The following GALNTL6 variants were observed in gnomAD, a reference collection of about 807,000 sequenced individuals.
GALNTL6 encodes polypeptide N-acetylgalactosaminyltransferase like 6, also known as polypeptide N-acetylgalactosaminyltransferase-like 6.
Under a neutral mutation model 73.7 loss-of-function variants are expected in GALNTL6, and 46 were observed. The ratio of observed to expected loss-of-function variants is 0.62; its 90% CI spans 0.49 to 0.80. The LOEUF (loss-of-function observed/expected upper bound fraction) is 0.80, where lower values mean the gene tolerates loss of function less well. Ranked by LOEUF, GALNTL6 falls within the 30% of genes least tolerant of loss-of-function variation. The pLI, the probability that GALNTL6 is intolerant of heterozygous loss-of-function variation, is 0.00. For synonymous variants in GALNTL6, 259 were observed against 263.7 expected (o/e 0.98, Z 0.17); for missense variants, 604 against 755.0 (o/e 0.80, Z 2.34).
At chr4:172,948,334 A>G (rs976446763) in intron 9 of GALNTL6, among the ~76,000 whole-genome samples, 1 of 152,204 alleles carries the variant, frequency 6.6e-6, no homozygotes, top group Non-Finnish European at 1.5e-5. Context: ...AACTACAGAA[A>G]AGGAATCGAT....
intron 5 of GALNTL6, among the ~76,000 whole-genome samples, chr4:172,727,499 C>T (rs1735888188): frequency 6.6e-6 from 1 of 152,132 alleles, no homozygotes; most frequent in African/African-American, 2.4e-5. Flanking sequence ...CCAAACAAAT[C>T]CTGTTTTTAT....
intron 5 of GALNTL6, among the ~76,000 whole-genome samples, chr4:172,617,416 A>C (rs542690974): frequency 6.6e-6 from 1 of 151,158 alleles, no homozygotes; most frequent in Non-Finnish European, 1.5e-5. Context: ...AAAAAAAAAA[A>C]AAGAAGAAAA....
At chr4:172,788,094 CCAA>C (rs1739763533) in intron 5 of GALNTL6, among the ~76,000 whole-genome samples, 1 of 151,868 alleles carries the variant, frequency 6.6e-6, no homozygotes, top group African/African-American at 2.4e-5. Flanking sequence ...GCCTGTAATC[CCAA>C]CACTTTGTTA....
At chr4:172,460,569 C>T (rs965094699) in intron 5 of GALNTL6, among the ~76,000 whole-genome samples, 3 of 152,178 alleles carry the variant, frequency 2.0e-5, no homozygotes, top group Non-Finnish European at 2.9e-5. Flanking sequence ...TATGAACAGA[C>T]ACTTCTCAAA....
intron 2 of GALNTL6, among the ~76,000 whole-genome samples, chr4:172,031,929 T>A (rs12646854): frequency 3.0e-4 from 45 of 151,860 alleles, no homozygotes; most frequent in Admixed American, 1.1e-3. Flanking sequence ...AATACAGAAC[T>A]AAATCATTTA....
chr4:172,021,636 C>A (rs902029419), intron 2 of GALNTL6, among the ~76,000 whole-genome samples: 1 of 151,976 alleles, frequency 6.6e-6, no homozygotes, highest in African/African-American at 2.4e-5. Context: ...ATAGCCAAAG[C>A]TATCCTAAGC....
At chr4:172,150,191 G>A (rs141406891) in intron 2 of GALNTL6, among the ~76,000 whole-genome samples, 113 of 152,186 alleles carry the variant, frequency 7.4e-4, no homozygotes, top group African/African-American at 2.7e-3. Flanking sequence ...ATAATTCAGT[G>A]GAAACTGATT....
chr4:172,800,848 A>G (rs894582899), intron 5 of GALNTL6, among the ~76,000 whole-genome samples: 1 of 152,124 alleles, frequency 6.6e-6, no homozygotes, highest in Non-Finnish European at 1.5e-5. Flanking sequence ...AGATATAGAT[A>G]AAATAATTTA....
intron 5 of GALNTL6, among the ~76,000 whole-genome samples, chr4:172,590,385 T>C (rs1051814720): frequency 1.3e-5 from 2 of 152,116 alleles, no homozygotes; most frequent in Admixed American, 1.3e-4. Context: ...AATTTACTTG[T>C]CTGTGATATA....
At chr4:172,988,147 C>T (rs1456950617) in intron 10 of GALNTL6, among the ~76,000 whole-genome samples, 1 of 152,164 alleles carries the variant, frequency 6.6e-6, no homozygotes, top group Non-Finnish European at 1.5e-5. Flanking sequence ...TTCCTAGAGA[C>T]TTATTAAATT....
intron 7 of GALNTL6, among the ~76,000 whole-genome samples, chr4:172,866,349 C>G (rs1744662356): frequency 6.6e-6 from 1 of 152,132 alleles, no homozygotes; most frequent in African/African-American, 2.4e-5. Flanking sequence ...ATAGGCTAGG[C>G]TTTGGTGTCA....
chr4:172,492,757 T>TA (rs545853207), intron 5 of GALNTL6, among the ~76,000 whole-genome samples: 1 of 152,312 alleles, frequency 6.6e-6, no homozygotes, highest in South Asian at 2.1e-4. Context: ...AAGAATTACA[T>TA]AAAAAATATG....
intron 5 of GALNTL6, among the ~76,000 whole-genome samples, chr4:172,610,880 G>A (rs1324170530): frequency 6.6e-6 from 1 of 152,066 alleles, no homozygotes; most frequent in Non-Finnish European, 1.5e-5. Flanking sequence ...TGTGTTGTGT[G>A]CATATATATG....
chr4:172,606,676 C>CTATATATAG (rs1560832502), intron 5 of GALNTL6, among the ~76,000 whole-genome samples: 122 of 43,734 alleles, frequency 2.8e-3, no homozygotes, highest in African/African-American at 5.4e-3. Flanking sequence ...TATATATATA[C>CTATATATAG]TATATATATA....
At chr4:171,896,764 G>T (rs1736929917) in intron 2 of GALNTL6, among the ~76,000 whole-genome samples, 1 of 152,170 alleles carries the variant, frequency 6.6e-6, no homozygotes, top group Admixed American at 6.5e-5. Flanking sequence ...GTATGAATTT[G>T]AGGGGGACAA....
intron 5 of GALNTL6, among the ~76,000 whole-genome samples, chr4:172,423,743 C>A (rs907525004): frequency 6.6e-6 from 1 of 152,032 alleles, no homozygotes; most frequent in African/African-American, 2.4e-5. Context: ...CTATTTTATT[C>A]ACTCATGTAT....
At chr4:172,546,624 C>G (rs932023506) in intron 5 of GALNTL6, among the ~76,000 whole-genome samples, 1 of 151,008 alleles carries the variant, frequency 6.6e-6, no homozygotes, top group Non-Finnish European at 1.5e-5. Flanking sequence ...TAGATGCCAT[C>G]CGTATCTCTC....
intron 2 of GALNTL6, among the ~76,000 whole-genome samples, chr4:171,827,209 T>G (rs180735360): frequency 5.3e-5 from 8 of 152,222 alleles, no homozygotes; most frequent in Admixed American, 3.3e-4. Context: ...GATTACAGAC[T>G]GCTACATTAC....
intron 2 of GALNTL6, among the ~76,000 whole-genome samples, chr4:172,023,383 C>T (rs1203800398): frequency 6.6e-6 from 1 of 151,522 alleles, no homozygotes; most frequent in Non-Finnish European, 1.5e-5. Context: ...TCCATAACTG[C>T]TATGCAATTA....
Sources: gnomAD v4.1 joint callset for allele counts (sites outside exome capture counted in the v4.1 genomes callset) on GRCh38, gnomAD v4.1.1 for gene constraint, MANE v1.5 for transcripts, NCBI Gene and HGNC (gene_info 2026-07-23, HGNC 2026-07-21) for gene names.